Variants in IGF2BP3 observed in about 807,000 individuals in gnomAD.
The protein encoded by IGF2BP3 is insulin like growth factor 2 mRNA binding protein 3, also known as insulin-like growth factor 2 mRNA-binding protein 3.
Under a neutral mutation model 73.8 loss-of-function variants are expected in IGF2BP3, and 9 were observed. That is an observed-to-expected ratio of 0.12 (90% CI 0.07 to 0.21). IGF2BP3 has a LOEUF of 0.21. Among genes scored for constraint, IGF2BP3 ranks in the 10% least tolerant of loss-of-function variants. The pLI is 1.00. For missense variants in IGF2BP3, 542 were observed against 714.0 expected, an observed-to-expected ratio of 0.76 and a Z score of 2.75; for synonymous variants, 258 against 256.7, an observed-to-expected ratio of 1.01 and a Z score of -0.05.
In IGF2BP3 at chr7:23,429,187, A is replaced by T. The variant is rs116267932; in HGVS notation, c.237-10363T>A. 3.3e-3 allele frequency among the ~76,000 whole-genome samples: 502 copies of T among 152,342 alleles called. 3 individuals carry two copies. The highest frequency in any genetic ancestry group is 0.012 in the African/African-American group (483 of 41,580). ...AATACACTTGGAAAGAAAATAAACC[A>T]TGGGTTCATACTGATTATTTCCAAC... On this transcript the variant is annotated intron_variant, in intron 2 of 14. Coordinates refer to ENST00000258729, the MANE Select transcript of IGF2BP3 (RefSeq NM_006547.3).
intron 3 of IGF2BP3, among the ~76,000 whole-genome samples, chr7:23,378,356 T>C (rs1370690235): frequency 7.5e-6 from 1 of 133,116 alleles, no homozygotes; most frequent in Admixed American, 7.1e-5. Flanking sequence ...TTAGATAGTT[T>C]TCAAAAAAAA....
At chr7:23,392,696 C>T (rs915875950) in intron 3 of IGF2BP3, among the ~76,000 whole-genome samples, 5 of 152,040 alleles carry the variant, frequency 3.3e-5, no homozygotes, top group African/African-American at 1.2e-4. Flanking sequence ...ATTGCATGAT[C>T]ACGGCTCACT....
chr7:23,433,980 G>A, intron 2 of IGF2BP3, among the ~76,000 whole-genome samples: 1 of 151,766 alleles, frequency 6.6e-6, no homozygotes, highest in East Asian at 1.9e-4. Context: ...TGGGAGGCTG[G>A]GGCAAGAGAA....
chr7:23,331,881 A>C (rs1784454301), intron 10 of IGF2BP3, among the ~76,000 whole-genome samples: 1 of 151,954 alleles, frequency 6.6e-6, no homozygotes, highest in Non-Finnish European at 1.5e-5. Context: ...AAAGAAAAAA[A>C]AAAGGAGTTT....
rs77886196 is a variant in IGF2BP3, at chr7:23,458,164, C to T, written c.236+10318G>A. Among the ~76,000 whole-genome samples the T allele has an allele frequency of 2.8e-4, 42 of 152,262 alleles. 1 individual carries two copies. The East Asian group carries it at 8.1e-3, about 29-fold the overall frequency. ...GATCCTATGAAGCATCATGTCCATT[C>T]TAACTTCCCAAGACCTCAAATTCCT... is the stretch of plus-strand genomic sequence containing the variant. On this transcript the variant is annotated intron_variant, in intron 2 of 14. Transcript: ENST00000258729.
intron 10 of IGF2BP3, among the ~76,000 whole-genome samples, chr7:23,327,815 G>A (rs1363839906): frequency 6.6e-6 from 1 of 152,026 alleles, no homozygotes; most frequent in Non-Finnish European, 1.5e-5. Flanking sequence ...GGCACTAATG[G>A]TTCCACCTTT....
chr7:23,337,296 A>G (rs942707932), intron 10 of IGF2BP3, among the ~76,000 whole-genome samples: 1 of 152,212 alleles, frequency 6.6e-6, no homozygotes, highest in Non-Finnish European at 1.5e-5. Flanking sequence ...TCCAGGGACA[A>G]TATGATTTTC....
chr7:23,345,362 G>C (rs1190220957), intron 8 of IGF2BP3, among the ~76,000 whole-genome samples: 1 of 152,212 alleles, frequency 6.6e-6, no homozygotes, highest in Non-Finnish European at 1.5e-5. Context: ...AAATGATAGA[G>C]TATAACTTCT....
chr7:23,427,300 G>A (rs139706129), intron 2 of IGF2BP3, among the ~76,000 whole-genome samples: 60 of 152,222 alleles, frequency 3.9e-4, no homozygotes, highest in African/African-American at 1.3e-3. Context: ...TGAATTTCTT[G>A]GAGGTCCCGT....
chr7:23,332,360 A>AT (rs1277364207), intron 10 of IGF2BP3, among the ~76,000 whole-genome samples: 40 of 152,322 alleles, frequency 2.6e-4, no homozygotes, highest in Admixed American at 1.5e-3. Context: ...TTTGTACCAT[A>AT]TTGTTTACAA....
chr7:23,465,528 C>CG (rs201753171), intron 2 of IGF2BP3, among the ~76,000 whole-genome samples: 1 of 151,994 alleles, frequency 6.6e-6, no homozygotes, highest in African/African-American at 2.4e-5. Context: ...AAGGGTCCCC[C>CG]CCCAAGCTCC....
chr7:23,346,958 T>C (rs1333996609), intron 7 of IGF2BP3, among the ~76,000 whole-genome samples: 1 of 152,206 alleles, frequency 6.6e-6, no homozygotes, highest in Non-Finnish European at 1.5e-5. Flanking sequence ...TCTTATGATA[T>C]GGCACCCACA....
At chr7:23,318,355 T>A (rs1035548757) in intron 11 of IGF2BP3, among the ~76,000 whole-genome samples, 2 of 152,140 alleles carry the variant, frequency 1.3e-5, no homozygotes, top group Admixed American at 6.5e-5. Context: ...CCCAAGCAGC[T>A]GGGACTACAG....
Position 23,395,452 on chromosome 7 carries a change from T to C in IGF2BP3, c.285+23324A>G, listed in dbSNP as rs747090511. Among the ~76,000 whole-genome samples the C allele has an allele frequency of 2.1e-3, 323 of 152,142 alleles. 1 individual carries two copies. Among genetic ancestry groups the C allele is most frequent in the Admixed American group, 3.3e-3 (50 of 15,280 alleles). On this transcript the variant is annotated intron_variant, in intron 3 of 14. Transcript: ENST00000258729. ...AACATTTGTAAGAACTTCAGTGATT[T>C]CTGCATCAATAAAACTCAATGACCT...
Position 23,351,400 on chromosome 7 carries a change from C to T in IGF2BP3, c.588G>A (p.Leu196=), listed in dbSNP as rs1784956606. The change falls in exon 6 of 15, where the codon TTG becomes TTA. Residue 196 remains leucine, a synonymous_variant. Coordinates refer to ENST00000258729, the MANE Select transcript of IGF2BP3 (RefSeq NM_006547.3). ...GGGTGGGAACCAGCAGGCGCAGAGGCAAATCACATGGTTTCTGCTTGGATA... is the reference window on the plus strand; with the variant it reads ...GGGTGGGAACCAGCAGGCGCAGAGGTAAATCACATGGTTTCTGCTTGGATA... The part of the protein sequence containing the change: ...GSVSKQKPCD[L]PLRLLVPTQF... The T allele has an allele frequency of 1.2e-6, 2 of 1,613,724 alleles. No individual in the cohort carries two copies. Among genetic ancestry groups the T allele is most frequent in the Non-Finnish European group, 8.5e-7 (1 of 1,179,902 alleles).
At chr7:23,326,404 A>G (rs1784297242) in intron 10 of IGF2BP3, among the ~76,000 whole-genome samples, 1 of 152,112 alleles carries the variant, frequency 6.6e-6, no homozygotes. Context: ...AATCATTAAA[A>G]AGTCAGGAAA....
At chr7:23,418,938 C>A in intron 2 of IGF2BP3, 114 bp from the exon 3 acceptor site, 1 of 650,952 alleles carries the variant, frequency 1.5e-6, no homozygotes. Flanking sequence ...TAATTACAAA[C>A]CAATATCTAT....
intron 3 of IGF2BP3, chr7:23,402,796 G>A (rs1196443890): frequency 1.3e-5 from 2 of 152,150 alleles, no homozygotes; most frequent in Non-Finnish European, 2.9e-5. Context: ...AAAAAAGTCA[G>A]TAATCAATTA....
At chr7:23,417,324 GTGCCCATATT>G (rs1238563888) in intron 3 of IGF2BP3, among the ~76,000 whole-genome samples, 1 of 151,984 alleles carries the variant, frequency 6.6e-6, no homozygotes, top group Non-Finnish European at 1.5e-5. Context: ...TTTATCTTGC[GTGCCCATATT>G]TGCCCATTTG....
Sources: allele counts gnomAD v4.1 joint callset (sites outside exome capture counted in the v4.1 genomes callset), GRCh38; gene constraint gnomAD v4.1.1; transcripts MANE v1.5; gene names NCBI Gene and HGNC (gene_info 2026-07-23, HGNC 2026-07-21).